Variants in FGF12 observed in about 807,000 individuals in gnomAD.
FGF12 encodes fibroblast growth factor 12B.
Under a neutral mutation model 23.6 loss-of-function variants are expected in FGF12, and 14 were observed. The observed-to-expected ratio is 0.59, with a 90% CI of 0.39 to 0.93. The LOEUF (loss-of-function observed/expected upper bound fraction) is 0.93, where lower values mean the gene tolerates loss of function less well. Among genes scored for constraint, FGF12 ranks in the 40% least tolerant of loss-of-function variants. The pLI is 0.00. For missense variants in FGF12, 175 were observed against 217.8 expected (o/e 0.80, Z 1.24); for synonymous variants, 62 against 77.3 (o/e 0.80, Z 1.04).
At chr3:192,617,969 A>AAT (rs976865727) in intron 2 of FGF12, among the ~76,000 whole-genome samples, 12 of 152,224 alleles carry the variant, frequency 7.9e-5, no homozygotes, top group African/African-American at 2.9e-4. Context: ...AAGGAAAATA[A>AAT]ATTTGGGTTA....
chr3:192,534,069 A>C, intron 2 of FGF12: 1 of 196,824 alleles, frequency 5.1e-6, no homozygotes, highest in African/African-American at 2.3e-5. Context: ...TCTCACACAT[A>C]CACGTGAACA....
chr3:192,248,951 A>T (rs116214098), intron 4 of FGF12, among the ~76,000 whole-genome samples: 4,772 of 152,318 alleles, frequency 0.031, 117 homozygotes, highest in Middle Eastern at 0.092. Context: ...TGATTGGGTT[A>T]GTGAAGAGTT....
intron 4 of FGF12, among the ~76,000 whole-genome samples, chr3:192,260,220 CAG>C (rs140278811): frequency 0.019 from 2,853 of 152,174 alleles, 70 homozygotes; most frequent in African/African-American, 0.054. Flanking sequence ...GATACCATAC[CAG>C]GGTAGTTTAG....
chr3:192,523,555 C>A (rs902702186), intron 2 of FGF12, among the ~76,000 whole-genome samples: 4 of 152,140 alleles, frequency 2.6e-5, no homozygotes, highest in African/African-American at 9.7e-5. Context: ...AAGAGCCCTA[C>A]CCAAGTCTGA....
chr3:192,177,065 A>C (rs1560179970), intron 4 of FGF12, among the ~76,000 whole-genome samples: 1 of 152,236 alleles, frequency 6.6e-6, no homozygotes, highest in Non-Finnish European at 1.5e-5. Flanking sequence ...AGAAAAACAG[A>C]ATTGTCCAGG....
chr3:192,333,264 T>C (rs889822323), intron 4 of FGF12, among the ~76,000 whole-genome samples: 4 of 152,122 alleles, frequency 2.6e-5, no homozygotes, highest in African/African-American at 9.7e-5. Context: ...AATTCTAGTC[T>C]AATAAACTGA....
intron 5 of FGF12, among the ~76,000 whole-genome samples, chr3:192,154,850 A>C (rs1262384829): frequency 2.1e-5 from 3 of 143,430 alleles, no homozygotes; most frequent in African/African-American, 5.2e-5. Context: ...ACCCAGTTCG[A>C]GCTTCCCGGC....
intron 2 of FGF12, among the ~76,000 whole-genome samples, chr3:192,483,070 G>A (rs9822582): frequency 0.076 from 11,585 of 152,008 alleles, 1,480 homozygotes; most frequent in African/African-American, 0.26. Context: ...ATCTTTACAA[G>A]TTCTGCATGC....
intron 4 of FGF12, among the ~76,000 whole-genome samples, chr3:192,323,402 C>T (rs1716648786): frequency 6.6e-6 from 1 of 152,198 alleles, no homozygotes; most frequent in Non-Finnish European, 1.5e-5. Flanking sequence ...GAGATCCTGT[C>T]ATCTGCAACA....
chr3:192,478,567 T>A (rs1723392909), intron 2 of FGF12, among the ~76,000 whole-genome samples: 2 of 152,168 alleles, frequency 1.3e-5, no homozygotes, highest in Admixed American at 6.6e-5. Flanking sequence ...TCCCTAAGTA[T>A]AACTTTTCAA....
At chr3:192,402,349 C>T (rs921783298) in intron 2 of FGF12, among the ~76,000 whole-genome samples, 4 of 152,230 alleles carry the variant, frequency 2.6e-5, no homozygotes, top group African/African-American at 9.6e-5. Flanking sequence ...CTAAGCCCAG[C>T]ACATAACAAC....
intron 5 of FGF12, among the ~76,000 whole-genome samples, chr3:192,170,074 T>A (rs1715459639): frequency 6.8e-6 from 1 of 147,056 alleles, no homozygotes; most frequent in Non-Finnish European, 1.5e-5. Flanking sequence ...ACTTTCAAAA[T>A]TTTTCCGGCT....
chr3:192,403,076 T>C (rs938660272), intron 2 of FGF12, among the ~76,000 whole-genome samples: 5 of 151,994 alleles, frequency 3.3e-5, no homozygotes, highest in South Asian at 2.1e-4. Flanking sequence ...CAAGAAAAAA[T>C]TGATCACTAT....
intron 2 of FGF12, among the ~76,000 whole-genome samples, chr3:192,615,932 A>C (rs1478982742): frequency 5.3e-5 from 8 of 151,762 alleles, no homozygotes; most frequent in Middle Eastern, 6.8e-3. Context: ...TCAAAATATC[A>C]CATTTATCTA....
At chr3:192,525,672 G>A (rs147887041) in intron 2 of FGF12, among the ~76,000 whole-genome samples, 10 of 152,240 alleles carry the variant, frequency 6.6e-5, no homozygotes, top group African/African-American at 1.7e-4. Flanking sequence ...AGATTAAGTC[G>A]ACAGTGTAAG....
chr3:192,398,228 T>C (rs1720606746), intron 2 of FGF12, among the ~76,000 whole-genome samples: 1 of 152,086 alleles, frequency 6.6e-6, no homozygotes, highest in Non-Finnish European at 1.5e-5. Flanking sequence ...GTTAGGAACA[T>C]CCAAAACAGC....
Position 192,168,119 on chromosome 3 carries a change from T to G in FGF12, c.427+2339A>C, listed in dbSNP as rs1307921029. 7.2e-5 allele frequency among the ~76,000 whole-genome samples: 11 copies of G among 152,078 alleles called. No homozygotes were observed. The South Asian group carries it at 2.1e-3, about 29-fold the overall frequency. ...GTGAAGTTGAATATAAAGGGCATTA[T>G]CCGTAAAGGGAATAAACACAACACG... On this transcript the variant is annotated intron_variant, in intron 5 of 5. Coordinates refer to ENST00000445105, the MANE Select transcript of FGF12 (RefSeq NM_004113.6).
chr3:192,301,546 A>G (rs936062789), intron 4 of FGF12, among the ~76,000 whole-genome samples: 8 of 152,182 alleles, frequency 5.3e-5, no homozygotes, highest in African/African-American at 1.9e-4. Flanking sequence ...TTAAGTGAGT[A>G]AGAACCCAAA....
chr3:192,291,039 C>G lies in FGF12; in HGVS notation c.228+44322G>C, dbSNP rs116197744. On this transcript the variant is annotated intron_variant, in intron 4 of 5. Transcript: ENST00000445105. The stretch of plus-strand genomic sequence containing the variant: ...CTATCTATCTACATATACAATGTCA[C>G]TATCCCTTGTTTATTAAATAACATT... Among the ~76,000 whole-genome samples the G allele has an allele frequency of 7.3e-3, 1,115 of 152,206 alleles. 16 individuals are homozygous for G. The highest frequency in any genetic ancestry group is 0.025 in the African/African-American group (1,047 of 41,522).
Sources: gnomAD v4.1 joint callset for allele counts (sites outside exome capture counted in the v4.1 genomes callset) on GRCh38, gnomAD v4.1.1 for gene constraint, MANE v1.5 for transcripts, NCBI Gene and HGNC (gene_info 2026-07-23, HGNC 2026-07-21) for gene names.